ZNF385D: variants seen among roughly 807,000 people sequenced by gnomAD.
ZNF385D encodes zinc finger protein 385D, also known as zinc finger protein 659.
Under a neutral mutation model 35.8 loss-of-function variants are expected in ZNF385D, and 15 were observed. The observed-to-expected ratio is 0.42, with a 90% CI of 0.28 to 0.64. The LOEUF is 0.64. Among genes scored for constraint, ZNF385D ranks in the 30% least tolerant of loss-of-function variants. The pLI is 0.23. For synonymous variants in ZNF385D, 212 were observed against 186.8 expected (o/e 1.13, Z -1.10); for missense variants, 474 against 494.6 (o/e 0.96, Z 0.39).
At chr3:21,933,322 T>G (rs908650926) in intron 3 of ZNF385D, among the ~76,000 whole-genome samples, 2 of 152,206 alleles carry the variant, frequency 1.3e-5, no homozygotes, top group East Asian at 3.8e-4. Flanking sequence ...CCAGAAGAAA[T>G]TTCTCTGACT....
At chr3:21,967,587 C>T (rs550786999) in intron 3 of ZNF385D, among the ~76,000 whole-genome samples, 40 of 152,294 alleles carry the variant, frequency 2.6e-4, no homozygotes, top group South Asian at 6.2e-4. Flanking sequence ...TGCCCATTGG[C>T]TTCTTCCTCA....
intron 2 of ZNF385D, among the ~76,000 whole-genome samples, chr3:22,198,756 C>A (rs567588670): frequency 2.0e-5 from 3 of 152,022 alleles, no homozygotes; most frequent in Non-Finnish European, 4.4e-5. Flanking sequence ...AATTAAACAA[C>A]TGAGTAAACA....
At chr3:22,005,391 A>C (rs1354889542) in intron 3 of ZNF385D, among the ~76,000 whole-genome samples, 1 of 152,092 alleles carries the variant, frequency 6.6e-6, no homozygotes, top group Non-Finnish European at 1.5e-5. Context: ...TTTCTCAAAA[A>C]ACTAAAAATA....
At chr3:21,440,453 T>TGC (rs1448264309) in intron 4 of ZNF385D, among the ~76,000 whole-genome samples, 5 of 152,068 alleles carry the variant, frequency 3.3e-5, no homozygotes, top group African/African-American at 1.2e-4. Context: ...AAGGAAAGTG[T>TGC]GCAGAACTAT....
chr3:21,546,552 AC>A (rs1285405214), intron 3 of ZNF385D, among the ~76,000 whole-genome samples: 1 of 151,462 alleles, frequency 6.6e-6, no homozygotes, highest in African/African-American at 2.4e-5. Context: ...AGTCCATGCA[AC>A]CCCCCTGAGA....
At chr3:22,125,539 C>A (rs1703376338) in intron 3 of ZNF385D, among the ~76,000 whole-genome samples, 2 of 152,064 alleles carry the variant, frequency 1.3e-5, no homozygotes, top group Non-Finnish European at 2.9e-5. Flanking sequence ...TTTTCCAATT[C>A]ATGAACATTC....
intron 2 of ZNF385D, among the ~76,000 whole-genome samples, chr3:22,190,567 G>A (rs913963795): frequency 1.3e-5 from 2 of 152,138 alleles, no homozygotes; most frequent in Non-Finnish European, 2.9e-5. Flanking sequence ...GTTAAGTTCT[G>A]AAGGACAAGG....
In ZNF385D at chr3:22,066,532, CTGTGTGTGTGTGTGTGTGTG is replaced by C. The variant is rs10536628; in HGVS notation, c.325+102265_325+102284del. Among the ~76,000 whole-genome samples the C allele has an allele frequency of 5.3e-3, 487 of 91,312 alleles. 5 individuals carry two copies. Among genetic ancestry groups the C allele is most frequent in the African/African-American group, 0.02 (446 of 22,034 alleles). 59.9% of individuals were successfully genotyped at this position (91,312 alleles called of 152,430 possible). A position where few individuals can be genotyped will look rare whatever the true frequency, so the allele number is the denominator to read the frequency against. ...AAAAGATACTGGGTGAGATGGTTCC[CTGTGTGTGTGTGTGTGTGTG>C]TGTGTGTGTGTGTGTGTGTGTGTGT... is the stretch of plus-strand genomic sequence containing the variant. On this transcript the variant is annotated intron_variant, in intron 3 of 5. Coordinates refer to the ZNF385D transcript ENST00000494108.
chr3:21,748,771 G>A (rs1215674291), intron 1 of ZNF385D, among the ~76,000 whole-genome samples: 2 of 152,154 alleles, frequency 1.3e-5, no homozygotes, highest in African/African-American at 4.8e-5. Flanking sequence ...CACACATTAA[G>A]ATACATACAC....
chr3:21,831,991 T>C (rs1340227833), intron 3 of ZNF385D, among the ~76,000 whole-genome samples: 2 of 152,208 alleles, frequency 1.3e-5, no homozygotes, highest in Non-Finnish European at 2.9e-5. Flanking sequence ...TAATGCACTA[T>C]CCCTTTAATT....
intron 3 of ZNF385D, among the ~76,000 whole-genome samples, chr3:22,006,850 G>A (rs1696241322): frequency 1.3e-5 from 2 of 151,856 alleles, no homozygotes; most frequent in African/African-American, 2.4e-5. Flanking sequence ...AGTAGAAACT[G>A]ATACAAAACC....
At position 22,308,480 on chromosome 3, in the gene ZNF385D, G is replaced by C. The variant is rs534827135; in HGVS notation, c.106+63970C>G. Among the ~76,000 whole-genome samples the C allele has an allele frequency of 3.7e-3, 556 of 151,826 alleles. 4 individuals carry two copies. The highest frequency in any genetic ancestry group is 0.011 in the African/African-American group (472 of 41,436). On this transcript the variant is annotated intron_variant, in intron 2 of 5. Transcript: ENST00000494108. ...GTGAAAGAGAGAAAGACAGAGAGAAGGACATTCCCTTGAATTCCATTAAGT... is the reference window on the plus strand; with the variant it reads ...GTGAAAGAGAGAAAGACAGAGAGAACGACATTCCCTTGAATTCCATTAAGT...
At chr3:21,480,308 G>C (rs1704534329) in intron 4 of ZNF385D, among the ~76,000 whole-genome samples, 1 of 152,000 alleles carries the variant, frequency 6.6e-6, no homozygotes, top group African/African-American at 2.4e-5. Context: ...TCACCATGTT[G>C]ATCAGGCTGA....
chr3:21,779,671 T>G (rs968832854), intron 3 of ZNF385D, among the ~76,000 whole-genome samples: 1 of 151,924 alleles, frequency 6.6e-6, no homozygotes, highest in Non-Finnish European at 1.5e-5. Context: ...TCAATGCCAC[T>G]CACTTTACAA....
chr3:21,514,105 C>T (rs1461830333), intron 3 of ZNF385D, among the ~76,000 whole-genome samples: 1 of 152,074 alleles, frequency 6.6e-6, no homozygotes, highest in Non-Finnish European at 1.5e-5. Flanking sequence ...GCCTCCTCTG[C>T]TTTTCTTTTG....
chr3:21,494,015 A>G (rs1705631995), intron 4 of ZNF385D, among the ~76,000 whole-genome samples: 3 of 152,106 alleles, frequency 2.0e-5, no homozygotes, highest in Admixed American at 6.6e-5. Flanking sequence ...GTTATTCCAG[A>G]GAATTCTGTC....
intron 2 of ZNF385D, among the ~76,000 whole-genome samples, chr3:22,244,168 G>T (rs1351195003): frequency 6.7e-6 from 1 of 149,612 alleles, no homozygotes; most frequent in African/African-American, 2.5e-5. Flanking sequence ...CTTCTTAAGG[G>T]GATTTAAAAA....
intron 2 of ZNF385D, among the ~76,000 whole-genome samples, chr3:21,602,202 C>T (rs150852851): frequency 2.0e-5 from 3 of 152,090 alleles, no homozygotes; most frequent in Admixed American, 1.3e-4. Flanking sequence ...GGGGAAACTG[C>T]CCCCATGATT....
intron 2 of ZNF385D, among the ~76,000 whole-genome samples, chr3:21,608,345 G>A (rs1553622666): frequency 6.6e-6 from 1 of 152,056 alleles, no homozygotes; most frequent in Non-Finnish European, 1.5e-5. Context: ...TGTCTTTCAG[G>A]ATTGTCGTTA....
Sources: gnomAD v4.1 joint callset for allele counts (sites outside exome capture counted in the v4.1 genomes callset) on GRCh38, gnomAD v4.1.1 for gene constraint, MANE v1.5 for transcripts, NCBI Gene and HGNC (gene_info 2026-07-23, HGNC 2026-07-21) for gene names.